GPLD1: variants seen among roughly 807,000 people sequenced by gnomAD.
GPLD1 encodes the protein phosphatidylinositol-glycan-specific phospholipase D.
In GPLD1, 84 loss-of-function variants were observed where a neutral mutation model predicts 112.6. That is an observed-to-expected ratio of 0.75 (90% CI 0.63 to 0.89). The LOEUF is 0.89. Ranked by LOEUF, GPLD1 falls within the 40% of genes least tolerant of loss-of-function variation. The pLI, the probability that GPLD1 is intolerant of heterozygous loss-of-function variation, is 0.00. For missense variants in GPLD1, 1,044 were observed against 1,051.5 expected, an observed-to-expected ratio of 0.99 and a Z score of 0.10; for synonymous variants, 386 against 403.8, an observed-to-expected ratio of 0.96 and a Z score of 0.53.
intron 24 of GPLD1, among the ~76,000 whole-genome samples, chr6:24,431,196 G>C (rs961161914): frequency 6.6e-6 from 1 of 152,030 alleles, no homozygotes; most frequent in East Asian, 1.9e-4. Flanking sequence ...TTGGCCACTA[G>C]AGGGCAGTTT....
At chr6:24,466,338 ACT>A (rs755641047) in intron 10 of GPLD1, among the ~76,000 whole-genome samples, 1 of 152,138 alleles carries the variant, frequency 6.6e-6, no homozygotes, top group Non-Finnish European at 1.5e-5. Flanking sequence ...ACAGAGCAAG[ACT>A]CTGTCTCAAA....
chr6:24,442,154 C>T (rs2793426), intron 20 of GPLD1, among the ~76,000 whole-genome samples: 39,816 of 151,062 alleles, frequency 0.26, 6,446 homozygotes, highest in East Asian at 0.58. Flanking sequence ...TAGGGTCTCA[C>T]TCTGTTGCCC....
chr6:24,473,640 C>T lies in GPLD1; in HGVS notation c.469G>A (p.Ala157Thr). Reference sequence around the variant, plus strand: ...GTACCAAAATCACCAGCCGAATGAGCCTCTGAATAGGAGCCGTGAAAATCA... The same window carrying T: ...GTACCAAAATCACCAGCCGAATGAGTCTCTGAATAGGAGCCGTGAAAATCA... ...AIDFHGSYSEAHSAGDFGGDV... is the reference protein window; with the variant it reads ...AIDFHGSYSETHSAGDFGGDV... Residue 157 changes from alanine to threonine, a missense_variant, in exon 6 of 25, where the codon GCT becomes ACT. Physicochemically the swap from Ala to Thr is moderately conservative, Grantham distance 58. Coordinates refer to ENST00000230036, the MANE Select transcript of GPLD1 (RefSeq NM_001503.4). The T allele has an allele frequency of 1.2e-6, 2 of 1,608,924 alleles. No homozygotes were observed. Among genetic ancestry groups the T allele is most frequent in the Non-Finnish European group, 1.7e-6 (2 of 1,175,656 alleles).
At chr6:24,449,962 C>A in intron 14 of GPLD1, 63 bp from the exon 15 acceptor site, 4 of 1,181,718 alleles carry the variant, frequency 3.4e-6, no homozygotes, top group Non-Finnish European at 5.0e-6. Context: ...GCACTCCTGA[C>A]CCCCAGGGAG....
intron 7 of GPLD1, among the ~76,000 whole-genome samples, chr6:24,471,864 T>C (rs188220330): frequency 1.6e-3 from 238 of 152,282 alleles, no homozygotes; most frequent in African/African-American, 5.5e-3. Flanking sequence ...GGACTACAGA[T>C]GCTGTGCCAC....
rs773905050 is a variant in GPLD1, at chr6:24,479,920, C to G, written c.193G>C (p.Val65Leu). The G allele has an allele frequency of 1.9e-6, 3 of 1,610,938 alleles. No individual in the cohort carries two copies. The highest frequency in any genetic ancestry group is 2.5e-6 in the Non-Finnish European group (3 of 1,177,164). Residue 65 changes from valine to leucine, a missense_variant, in exon 3 of 25, where the codon GTG (valine) becomes CTG (leucine). Coordinates refer to ENST00000230036, the MANE Select transcript of GPLD1 (RefSeq NM_001503.4). ...CTAGGGTAAAAACAATCAGGAAACACGATTCCAGCCTGATACGCATCCTGG... is the reference window on the plus strand; with the variant it reads ...CTAGGGTAAAAACAATCAGGAAACAGGATTCCAGCCTGATACGCATCCTGG... The part of the protein sequence containing the change: ...EHQDAYQAGI[V>L]FPDCFYPSIC...
At chr6:24,453,047 C>A (rs1031952186) in intron 14 of GPLD1, among the ~76,000 whole-genome samples, 1 of 151,988 alleles carries the variant, frequency 6.6e-6, no homozygotes, top group Non-Finnish European at 1.5e-5. Context: ...AAAACTAAAG[C>A]CTCTGATGTT....
At chr6:24,475,051 G>T in intron 5 of GPLD1, 70 bp downstream of exon 5, 1 of 806,110 alleles carries the variant, frequency 1.2e-6, no homozygotes, top group Non-Finnish European at 2.2e-6. Flanking sequence ...TTTTAAAACG[G>T]TCAGGTTTTG....
intron 1 of GPLD1, 91 bp from the exon 2 acceptor site, chr6:24,486,221 T>C (rs1301306893): frequency 1.2e-6 from 1 of 837,354 alleles, no homozygotes; most frequent in African/African-American, 1.7e-5. Flanking sequence ...AATACACAAT[T>C]TGTGGTTATA....
At position 24,472,971 on chromosome 6, in the gene GPLD1, T is replaced by C. The variant is rs187774792; in HGVS notation, c.491-335A>G. ...TTGTATTTTTAGTAGAGGTGGGGTT[T>C]CACCATGTTGGCCAGGCTGGTCTTG... is the stretch of plus-strand genomic sequence containing the variant. On this transcript the variant is annotated intron_variant, in intron 6 of 24. Transcript: ENST00000230036. The C allele has an allele frequency of 6.5e-5, 13 of 199,138 alleles. No individual in the cohort carries two copies. The East Asian group carries it at 1.2e-3, about 18-fold the overall frequency. The allele number at this position is 199,138 out of a possible 1,614,324, so 12.3% of individuals were successfully genotyped here. A position where few individuals can be genotyped will look rare whatever the true frequency, so the allele number is the denominator to read the frequency against.
At position 24,437,159 on chromosome 6, in the gene GPLD1, T is replaced by C; in HGVS notation, c.2151A>G (p.Arg717=). 6.2e-7 allele frequency: 1 copy of C among 1,614,168 alleles called. No individual in the cohort carries two copies. The highest frequency in any genetic ancestry group is 2.2e-5 in the East Asian group (1 of 44,884). The change falls in exon 21 of 25, where the codon CGA becomes CGG. Residue 717 remains arginine (R), a synonymous_variant. Coordinates refer to ENST00000230036, the MANE Select transcript of GPLD1 (RefSeq NM_001503.4). ...STFSGDRRFS[R]FGGVLHLSDL... ...CACTCAAGTGCAGAACGCCACCAAA[T>C]CGGGAGAAGCGGCGGTCTCCGCTGA...
intron 10 of GPLD1, among the ~76,000 whole-genome samples, 174 bp from the exon 11 acceptor site, chr6:24,462,969 G>A (rs1407154678): frequency 3.3e-5 from 5 of 152,118 alleles, no homozygotes; most frequent in African/African-American, 4.8e-5. Context: ...GTAGGCTGAC[G>A]GTTGTCACTA....
upstream of GPLD1, among the ~76,000 whole-genome samples, chr6:24,491,096 C>T (rs1319038226): frequency 1.3e-5 from 2 of 152,160 alleles, no homozygotes; most frequent in African/African-American, 4.8e-5. Context: ...ACACGACAAC[C>T]AGCTGCAGCC....
intron 7 of GPLD1, among the ~76,000 whole-genome samples, chr6:24,470,815 T>C (rs1186148875): frequency 6.6e-6 from 1 of 152,032 alleles, no homozygotes; most frequent in African/African-American, 2.4e-5. Context: ...GCCAGGCTGA[T>C]CTCGAACTCC....
At chr6:24,455,322 C>G (rs1763232308) in intron 13 of GPLD1, among the ~76,000 whole-genome samples, 1 of 152,200 alleles carries the variant, frequency 6.6e-6, no homozygotes, top group Non-Finnish European at 1.5e-5. Flanking sequence ...AGTGAACGAC[C>G]AGTAAAGACA....
rs184596746 is a variant in GPLD1, at chr6:24,481,528, C to T, written c.154-1569G>A. 5.8e-3 allele frequency among the ~76,000 whole-genome samples: 880 copies of T among 152,248 alleles called. 36 individuals carry two copies. Among genetic ancestry groups the T allele is most frequent in the Admixed American group, 0.052 (788 of 15,292 alleles). On this transcript the variant is annotated intron_variant, in intron 2 of 24. Coordinates refer to ENST00000230036, the MANE Select transcript of GPLD1 (RefSeq NM_001503.4). ...CAGAATCACCCTCTCCCGAGGAGAG[C>T]CCATTCCACACCGCTCAGGTGGGGC...
exon 1 of GPLD1, chr6:24,494,990 C>A: frequency 7.6e-7 from 1 of 1,315,170 alleles, no homozygotes; most frequent in South Asian, 2.6e-5. Context: ...CCGTCGTTGC[C>A]CGGGCCATGG....
rs892979003 is a variant in GPLD1, at chr6:24,495,191, G to A, written n.15C>T. On this transcript the variant is annotated non_coding_transcript_exon_variant, in exon 1 of 11. Transcript: ENST00000474784. ...CGCTGCTGCGCACCGACAGCTTCGT[G>A]GGCGGCCGCTGGCTCCCGGCCGCCG... is the stretch of plus-strand genomic sequence containing the variant. 2.0e-6 allele frequency: 3 copies of A among 1,504,220 alleles called. No homozygotes were observed. The Admixed American group carries it at 6.3e-5, about 31-fold the overall frequency. The allele number at this position is 1,504,220 out of a possible 1,614,324, so 93.2% of individuals were successfully genotyped here. A position where few individuals can be genotyped will look rare whatever the true frequency, so the allele number is the denominator to read the frequency against.
rs1386205113 is a variant in GPLD1 at position 24,474,206 on chromosome 6, C to CACATAT, written c.442-540_442-539insATATGT. Among the ~76,000 whole-genome samples the CACATAT allele has an allele frequency of 6.2e-3, 753 of 120,820 alleles. 4 individuals are homozygous for CACATAT. Among genetic ancestry groups the CACATAT allele is most frequent in the African/African-American group, 0.015 (605 of 39,354 alleles). The allele number at this position is 120,820 out of a possible 152,430, so 79.3% of individuals were successfully genotyped here. The stretch of plus-strand genomic sequence containing the variant: ...ACACACACACACACACACACACACA[C>CACATAT]ATATATATGCAGCTGAGTTGGATAC... On this transcript the variant is annotated intron_variant, in intron 5 of 24. Transcript: ENST00000230036.
Sources: gnomAD v4.1 joint callset for allele counts (sites outside exome capture counted in the v4.1 genomes callset) on GRCh38, gnomAD v4.1.1 for gene constraint, MANE v1.5 for transcripts, NCBI Gene and HGNC (gene_info 2026-07-23, HGNC 2026-07-21) for gene names.